The following ABCB1 variants were observed in gnomAD, a reference collection of about 807,000 sequenced individuals.
ABCB1 encodes the protein ATP-dependent translocase ABCB1.
Under a neutral mutation model 142.0 loss-of-function variants are expected in ABCB1, and 69 were observed. The observed-to-expected ratio is 0.49, with a 90% CI of 0.40 to 0.59. ABCB1 has a LOEUF of 0.59. Ranked by LOEUF, ABCB1 falls within the 20% of genes least tolerant of loss-of-function variation. The pLI is 0.00. For synonymous variants in ABCB1, 532 were observed against 539.2 expected (o/e 0.99, Z 0.18); for missense variants, 1,326 against 1,554.7 (o/e 0.85, Z 2.47).
chr7:87,655,400 G>A (rs929801300), intron 1 of ABCB1, among the ~76,000 whole-genome samples: 2 of 152,096 alleles, frequency 1.3e-5, no homozygotes, highest in Non-Finnish European at 2.9e-5. Flanking sequence ...TTAAGAGGAA[G>A]AAAATCCTGT....
chr7:87,595,224 T>C (rs751457268), intron 3 of ABCB1, among the ~76,000 whole-genome samples: 44 of 152,140 alleles, frequency 2.9e-4, no homozygotes, highest in Non-Finnish European at 4.7e-4. Flanking sequence ...GAATTCTAGA[T>C]TTTCATCTGT....
chr7:87,564,245 T>C (rs1449307329), intron 7 of ABCB1: 4 of 380,040 alleles, frequency 1.1e-5, no homozygotes, highest in Non-Finnish European at 2.0e-5. Context: ...AGCATGATAG[T>C]ATTGGTCTAC....
intron 1 of ABCB1, among the ~76,000 whole-genome samples, chr7:87,633,324 T>A (rs964454729): frequency 6.6e-6 from 1 of 152,212 alleles, no homozygotes; most frequent in Non-Finnish European, 1.5e-5. Context: ...AAAAAATGAT[T>A]ACACGTTTCC....
At chr7:87,629,994 TTTTC>T (rs1284975318) in intron 1 of ABCB1, among the ~76,000 whole-genome samples, 5 of 152,128 alleles carry the variant, frequency 3.3e-5, no homozygotes, top group African/African-American at 1.2e-4. Context: ...TGCTGATATA[TTTTC>T]TTTAAGTCTT....
intron 8 of ABCB1, among the ~76,000 whole-genome samples, chr7:87,554,875 T>G (rs1817243455): frequency 6.6e-6 from 1 of 152,190 alleles, no homozygotes; most frequent in African/African-American, 2.4e-5. Context: ...CCATTAATAC[T>G]TCTTAGAGCA....
chr7:87,512,536 ACT>A lies in ABCB1; in HGVS notation c.3282+2693_3282+2694del, dbSNP rs1386753475. On this transcript the variant is annotated intron_variant, in intron 25 of 27. Coordinates refer to ENST00000622132, the MANE Select transcript of ABCB1 (RefSeq NM_001348946.2). Reference sequence around the variant, plus strand: ...TTTTTCAACATGGGATTCAAGGTCCACTGATGGTCACGAGAATTTCCTGACTT... The same window carrying A: ...TTTTTCAACATGGGATTCAAGGTCCAGATGGTCACGAGAATTTCCTGACTT... Among the ~76,000 whole-genome samples, 8 of 152,326 alleles carry A rather than the reference ACT, an allele frequency of 5.3e-5. No individual in the cohort carries two copies. The East Asian group carries it at 1.5e-3, about 29-fold the overall frequency.
chr7:87,655,516 A>G (rs952929394), intron 1 of ABCB1, among the ~76,000 whole-genome samples: 4 of 152,182 alleles, frequency 2.6e-5, no homozygotes, highest in African/African-American at 7.2e-5. Context: ...CATCTAAAAA[A>G]GTTGAATTCG....
intron 1 of ABCB1, among the ~76,000 whole-genome samples, chr7:87,655,886 G>C (rs1302530682): frequency 6.6e-6 from 1 of 152,050 alleles, no homozygotes; most frequent in Non-Finnish European, 1.5e-5. Flanking sequence ...CTCTATAAAA[G>C]GGCTTGACAG....
intron 3 of ABCB1, among the ~76,000 whole-genome samples, chr7:87,590,600 G>A (rs191202697): frequency 3.3e-5 from 5 of 152,332 alleles, no homozygotes; most frequent in Non-Finnish European, 7.3e-5. Flanking sequence ...CAGGCAGGAA[G>A]AGCCAATGCA....
chr7:87,509,277 T>A lies in ABCB1; in HGVS notation c.3487A>T (p.Asn1163Tyr). 6.2e-7 allele frequency: 1 copy of A among 1,614,104 alleles called. No individual in the cohort carries two copies. Among genetic ancestry groups the A allele is most frequent in the Non-Finnish European group, 8.5e-7 (1 of 1,179,990 alleles). Residue 1163 changes from asparagine to tyrosine, a missense_variant and splice_region_variant, in exon 26 of 28, where the codon AAT (asparagine) becomes TAT (tyrosine). Coordinates refer to ENST00000622132, the MANE Select transcript of ABCB1 (RefSeq NM_001348946.2). ...NIHAFIESLP[N>Y]KYSTKVGDKG... ...TGTTTATTTGAAGAGAGACTTACAT[T>A]AGGCAGTGACTCGATGAAGGCATGT...
At chr7:87,628,616 TGTGTG>T (rs1483864559) in intron 1 of ABCB1, 9 of 315,328 alleles carry the variant, frequency 2.9e-5, no homozygotes, top group African/African-American at 2.0e-4. Flanking sequence ...TGTGTGTGTG[TGTGTG>T]TGTGGAGCTC....
intron 1 of ABCB1, among the ~76,000 whole-genome samples, chr7:87,688,391 T>TAC (rs898532554): frequency 2.6e-5 from 4 of 151,968 alleles, no homozygotes; most frequent in Non-Finnish European, 2.9e-5. Flanking sequence ...TACATATATA[T>TAC]ACACATAATC....
At chr7:87,669,237 C>T (rs1240249970) in intron 1 of ABCB1, among the ~76,000 whole-genome samples, 2 of 152,062 alleles carry the variant, frequency 1.3e-5, no homozygotes, top group Admixed American at 6.6e-5. Context: ...GTAATGCCCT[C>T]TTTGTCTTTT....
chr7:87,562,941 A>G (rs10274441), intron 7 of ABCB1, among the ~76,000 whole-genome samples: 19,357 of 152,140 alleles, frequency 0.13, 1,297 homozygotes, highest in African/African-American at 0.16. Flanking sequence ...TCTACAAAAA[A>G]ATTAAAAACT....
At chr7:87,519,842 AC>A (rs1815415503) in intron 22 of ABCB1, among the ~76,000 whole-genome samples, 1 of 152,182 alleles carries the variant, frequency 6.6e-6, no homozygotes, top group Non-Finnish European at 1.5e-5. Flanking sequence ...GCACACAGTT[AC>A]CCAACACCTA....
At chr7:87,604,123 A>C, upstream of ABCB1, among the ~76,000 whole-genome samples, 1 of 152,334 alleles carries the variant, frequency 6.6e-6, no homozygotes, top group Middle Eastern at 3.4e-3. Context: ...TATAGAAATT[A>C]AAAAGCTGTT....
chr7:87,669,277 G>T (rs1003821161), intron 1 of ABCB1, among the ~76,000 whole-genome samples: 1 of 151,774 alleles, frequency 6.6e-6, no homozygotes, highest in Non-Finnish European at 1.5e-5. Context: ...AATCTCTTTT[G>T]TCTGAATTCA....
intron 1 of ABCB1, among the ~76,000 whole-genome samples, chr7:87,612,683 G>A (rs1819894218): frequency 6.6e-6 from 1 of 152,146 alleles, no homozygotes; most frequent in African/African-American, 2.4e-5. Context: ...ATAATTTGAA[G>A]TTGTGTAATG....
chr7:87,525,696 G>A (rs6971264), intron 21 of ABCB1, among the ~76,000 whole-genome samples: 3,403 of 152,078 alleles, frequency 0.022, 139 homozygotes, highest in African/African-American at 0.077. Flanking sequence ...ATATTGAATA[G>A]GCTAAGGAAA....
Sources: allele counts gnomAD v4.1 joint callset (sites outside exome capture counted in the v4.1 genomes callset), GRCh38; gene constraint gnomAD v4.1.1; transcripts MANE v1.5; gene names NCBI Gene and HGNC (gene_info 2026-07-23, HGNC 2026-07-21).